The following VPS35L variants were observed in gnomAD, a reference collection of about 807,000 sequenced individuals.
The protein encoded by VPS35L is VPS35 endosomal protein sorting factor like, also known as VPS35 endosomal protein-sorting factor-like.
Under a neutral mutation model 133.0 loss-of-function variants are expected in VPS35L, and 83 were observed. That is an observed-to-expected ratio of 0.62 (90% confidence interval 0.52 to 0.75). VPS35L has a LOEUF of 0.75. Ranked by LOEUF, VPS35L falls within the 30% of genes least tolerant of loss-of-function variation. The probability of loss-of-function intolerance (pLI) is 0.00; values close to 1 mark genes in which losing one functional copy is unlikely to be tolerated. For missense variants in VPS35L, 1,083 were observed against 1,206.8 expected, an observed-to-expected ratio of 0.90 and a Z score of 1.52; for synonymous variants, 423 against 449.9, an observed-to-expected ratio of 0.94 and a Z score of 0.76.
chr16:19,691,671 C>T (rs1428736620), intron 29 of VPS35L, among the ~76,000 whole-genome samples, 200 bp downstream of exon 29: 1 of 152,198 alleles, frequency 6.6e-6, no homozygotes, highest in African/African-American at 2.4e-5. Flanking sequence ...AGGGCTTCCC[C>T]TGGCTGTTCC....
intron 1 of VPS35L, among the ~76,000 whole-genome samples, chr16:19,562,171 A>C (rs1351820161): frequency 6.6e-6 from 1 of 152,118 alleles, no homozygotes; most frequent in African/African-American, 2.4e-5. Context: ...CCGGGGGGCT[A>C]CTATAGTGGG....
intron 26 of VPS35L, among the ~76,000 whole-genome samples, chr16:19,655,176 G>T (rs1481799882): frequency 6.6e-6 from 1 of 152,170 alleles, no homozygotes; most frequent in East Asian, 1.9e-4. Flanking sequence ...CTCCTTGTCT[G>T]TCTCCCCTGT....
rs1567388790 is a variant in VPS35L at position 19,570,876 on chromosome 16, TATATATATATA to T, written c.285+1286_285+1296del. ...ATATATATATATATATATATATATATATATATATATATATTTTTGAGATGAAGTCTCACACT... is the reference window on the plus strand; with the variant it reads ...ATATATATATATATATATATATATATTATTTTTGAGATGAAGTCTCACACT... On this transcript the variant is annotated intron_variant, in intron 3 of 30. Coordinates refer to ENST00000417362, the MANE Select transcript of VPS35L (RefSeq NM_020314.7). Among the ~76,000 whole-genome samples the T allele has an allele frequency of 3.4e-3, 260 of 77,518 alleles. 11 individuals are homozygous for T. The highest frequency in any genetic ancestry group is 0.019 in the African/African-American group (243 of 13,060). The allele number at this position is 77,518 out of a possible 152,430, so 50.9% of individuals were successfully genotyped here.
chr16:19,692,567 AT>A (rs140429914), intron 29 of VPS35L, among the ~76,000 whole-genome samples: 1 of 137,818 alleles, frequency 7.3e-6, no homozygotes, highest in East Asian at 1.9e-4. Flanking sequence ...TTTTCTTTTT[AT>A]TTTATTTTTT....
At chr16:19,571,333 C>T (rs1391780773) in intron 3 of VPS35L, among the ~76,000 whole-genome samples, 1 of 152,070 alleles carries the variant, frequency 6.6e-6, no homozygotes, top group Non-Finnish European at 1.5e-5. Flanking sequence ...CCCCCTGCCT[C>T]AGCCTCTCGA....
intron 21 of VPS35L, among the ~76,000 whole-genome samples, chr16:19,641,903 C>A (rs969187548): frequency 1.3e-4 from 20 of 152,218 alleles, no homozygotes; most frequent in Non-Finnish European, 1.8e-4. Context: ...TATAGAAGAG[C>A]AAACTTGTTA....
intron 23 of VPS35L, among the ~76,000 whole-genome samples, chr16:19,645,781 A>T (rs906121231): frequency 6.6e-6 from 1 of 152,318 alleles, no homozygotes; most frequent in Middle Eastern, 3.4e-3. Context: ...GACCTGAGTC[A>T]GGAGGGCCGA....
intron 27 of VPS35L, among the ~76,000 whole-genome samples, chr16:19,678,991 T>C (rs1343843290): frequency 6.6e-6 from 1 of 152,204 alleles, no homozygotes; most frequent in South Asian, 2.1e-4. Flanking sequence ...ACAAGACTTA[T>C]GCATTTGTGT....
At chr16:19,626,539 A>T (rs1973267360) in intron 15 of VPS35L, among the ~76,000 whole-genome samples, 1 of 152,114 alleles carries the variant, frequency 6.6e-6, no homozygotes, top group Admixed American at 6.5e-5. Context: ...AGGCGTGTGG[A>T]TCACCTGAGG....
chr16:19,691,734 C>G (rs926555246), intron 29 of VPS35L, among the ~76,000 whole-genome samples: 15 of 152,130 alleles, frequency 9.9e-5, no homozygotes, highest in African/African-American at 3.4e-4. Context: ...TTCCCGGACC[C>G]TGTCTGAAGG....
intron 8 of VPS35L, among the ~76,000 whole-genome samples, chr16:19,593,389 C>A (rs140037825): frequency 6.6e-6 from 1 of 152,140 alleles, no homozygotes; most frequent in Non-Finnish European, 1.5e-5. Context: ...GTAAACCCAT[C>A]GAAAGATACA....
At chr16:19,669,675 T>C (rs1045866722) in intron 27 of VPS35L, among the ~76,000 whole-genome samples, 10 of 71,384 alleles carry the variant, frequency 1.4e-4, no homozygotes, top group Middle Eastern at 6.7e-3. Flanking sequence ...CTGTCTCTCT[T>C]TTTTTTTTTT....
Position 19,673,837 on chromosome 16 carries a change from T to C in VPS35L, c.2361+4538T>C, listed in dbSNP as rs1402832817. On this transcript the variant is annotated intron_variant, in intron 27 of 30. Transcript: ENST00000417362. Reference sequence around the variant, plus strand: ...AACCTGAGCCAGAGGGCCCTTGCAATGTGCCTGAGGTCACAAAGCTTATAA... The same window carrying C: ...AACCTGAGCCAGAGGGCCCTTGCAACGTGCCTGAGGTCACAAAGCTTATAA... Among the ~76,000 whole-genome samples the C allele has an allele frequency of 2.0e-5, 3 of 152,192 alleles. No homozygotes were observed. In the South Asian group the frequency reaches 6.2e-4, roughly 32 times the overall value.
At chr16:19,675,997 A>C (rs1193682132) in intron 27 of VPS35L, among the ~76,000 whole-genome samples, 2 of 152,116 alleles carry the variant, frequency 1.3e-5, no homozygotes, top group African/African-American at 2.4e-5. Context: ...CATACCTGTA[A>C]TCCCAGCACT....
intron 26 of VPS35L, among the ~76,000 whole-genome samples, chr16:19,662,284 C>T (rs1011766403): frequency 5.3e-5 from 8 of 152,110 alleles, no homozygotes; most frequent in Admixed American, 4.6e-4. Context: ...GCAGGCAGAT[C>T]ACCTGAGGTC....
At chr16:19,594,747 C>T (rs1160393269) in intron 8 of VPS35L, among the ~76,000 whole-genome samples, 2 of 151,438 alleles carry the variant, frequency 1.3e-5, no homozygotes, top group African/African-American at 4.9e-5. Flanking sequence ...TTAAGTCAAC[C>T]CAATTGTATG....
At chr16:19,577,152 G>C (rs1442432564) in intron 5 of VPS35L, among the ~76,000 whole-genome samples, 2 of 152,172 alleles carry the variant, frequency 1.3e-5, no homozygotes, top group African/African-American at 4.8e-5. Context: ...AATTTATAAG[G>C]AAGAGAGGTT....
At chr16:19,631,191 C>T (rs1457872434) in intron 18 of VPS35L, among the ~76,000 whole-genome samples, 1 of 152,154 alleles carries the variant, frequency 6.6e-6, no homozygotes, top group African/African-American at 2.4e-5. Context: ...TTACAAGCTT[C>T]CTGGTTTATG....
At position 19,639,918 on chromosome 16, in the gene VPS35L, T is replaced by C. The variant is rs1304921672; in HGVS notation, c.1699-97T>C. 11 of 1,032,372 alleles carry C rather than the reference T, an allele frequency of 1.1e-5. No homozygotes were observed. The highest frequency in any genetic ancestry group is 8.7e-6 in the Non-Finnish European group (6 of 686,688). The allele number at this position is 1,032,372 out of a possible 1,614,324, so 64.0% of individuals were successfully genotyped here. A position where few individuals can be genotyped will look rare whatever the true frequency, so the allele number is the denominator to read the frequency against. On this transcript the variant is annotated intron_variant, in intron 20 of 30. Transcript: ENST00000417362. This position sits in a 1 kb window ranked among gnomAD's most constrained non-coding sequence, Gnocchi z 4.1. Reference sequence around the variant, plus strand: ...CCCGACTCAGAGAGATGAACCTCTGTTCTGCTTCTTTGAACTCCACAGAAA... The same window carrying C: ...CCCGACTCAGAGAGATGAACCTCTGCTCTGCTTCTTTGAACTCCACAGAAA...
Sources: gnomAD v4.1 joint callset for allele counts (sites outside exome capture counted in the v4.1 genomes callset) on GRCh38, gnomAD v4.1.1 for gene constraint, Gnocchi (gnomAD v3.1) non-coding constraint, MANE v1.5 for transcripts, NCBI Gene and HGNC (gene_info 2026-07-23, HGNC 2026-07-21) for gene names.